Variants in CCDC91 observed in about 807,000 individuals in gnomAD.
CCDC91 encodes coiled-coil domain containing 91.
A neutral mutation model predicts 63.2 loss-of-function variants in CCDC91; 48 were observed. The ratio of observed to expected loss-of-function variants is 0.76; its 90% CI spans 0.60 to 0.97. CCDC91 has a LOEUF of 0.97. Ranked by LOEUF, CCDC91 falls within the 50% of genes least tolerant of loss-of-function variation. The probability of loss-of-function intolerance (pLI) is 0.00; values close to 1 mark genes in which losing one functional copy is unlikely to be tolerated. For synonymous variants in CCDC91, 167 were observed against 165.8 expected (o/e 1.01, Z -0.06); for missense variants, 500 against 494.6 (o/e 1.01, Z -0.10).
chr12:28,353,986 A>G (rs1943356758), intron 6 of CCDC91, among the ~76,000 whole-genome samples: 1 of 152,142 alleles, frequency 6.6e-6, no homozygotes. Flanking sequence ...CTATACAGTA[A>G]ACCCCCATGA....
intron 12 of CCDC91, among the ~76,000 whole-genome samples, chr12:28,517,395 C>A (rs964468897): frequency 6.6e-6 from 1 of 151,898 alleles, no homozygotes. Context: ...TAACTTGCAA[C>A]ACGTTTGAAC....
chr12:28,411,995 G>A (rs1364049639), intron 8 of CCDC91, among the ~76,000 whole-genome samples: 6 of 152,152 alleles, frequency 3.9e-5, no homozygotes, highest in African/African-American at 1.2e-4. Flanking sequence ...TTCAACATGA[G>A]TTTTGGTAGG....
intron 3 of CCDC91, among the ~76,000 whole-genome samples, chr12:28,305,093 ATTAG>A (rs1299602768): frequency 6.6e-6 from 1 of 152,094 alleles, no homozygotes; most frequent in East Asian, 1.9e-4. Context: ...ATATTGTTGG[ATTAG>A]TTGTTTCAAA....
intron 6 of CCDC91, among the ~76,000 whole-genome samples, chr12:28,336,058 C>T (rs1592346456): frequency 6.7e-6 from 1 of 148,212 alleles, no homozygotes. Flanking sequence ...ATTTGAACTA[C>T]TTTTTTTTTT....
At chr12:28,462,791 T>G (rs1439895741) in intron 11 of CCDC91, among the ~76,000 whole-genome samples, 1 of 152,034 alleles carries the variant, frequency 6.6e-6, no homozygotes, top group Non-Finnish European at 1.5e-5. Flanking sequence ...ACAGAGTGCT[T>G]TGAGAGTGAT....
intron 6 of CCDC91, among the ~76,000 whole-genome samples, chr12:28,344,896 T>G (rs555130130): frequency 3.3e-4 from 50 of 152,170 alleles, no homozygotes; most frequent in African/African-American, 1.2e-3. Flanking sequence ...CTACACTGAG[T>G]TGAGGGGAAG....
chr12:28,338,418 G>C (rs80129424), intron 6 of CCDC91, among the ~76,000 whole-genome samples: 17 of 151,796 alleles, frequency 1.1e-4, no homozygotes, highest in Non-Finnish European at 2.1e-4. Context: ...TGCTTCACCC[G>C]TGAATCTTGA....
chr12:28,253,027 G>A (rs1946227872), intron 1 of CCDC91, among the ~76,000 whole-genome samples: 1 of 152,098 alleles, frequency 6.6e-6, no homozygotes, highest in Non-Finnish European at 1.5e-5. Context: ...TGGCAGAGCT[G>A]GAATTTGAAT....
intron 12 of CCDC91, among the ~76,000 whole-genome samples, chr12:28,490,191 T>C (rs971821092): frequency 6.6e-6 from 1 of 151,856 alleles, no homozygotes; most frequent in Non-Finnish European, 1.5e-5. Context: ...TTCTATCCAA[T>C]CTGGAGGAGG....
intron 3 of CCDC91, among the ~76,000 whole-genome samples, chr12:28,267,847 A>ATATATAATTATTATAATTATATATAAT (rs1947368986): frequency 6.7e-5 from 1 of 14,984 alleles, no homozygotes; most frequent in Non-Finnish European, 1.6e-4. Flanking sequence ...ATATATAATT[A>ATATATAATTATTATAATTATATATAAT]TATAGTAATA....
chr12:28,477,095 A>AAG (rs1951140743), intron 11 of CCDC91, among the ~76,000 whole-genome samples: 3 of 151,904 alleles, frequency 2.0e-5, no homozygotes, highest in Non-Finnish European at 2.9e-5. Context: ...TCAATAGAAA[A>AAG]AGGGAATCCT....
intron 8 of CCDC91, among the ~76,000 whole-genome samples, chr12:28,438,335 T>C (rs1352802181): frequency 6.6e-6 from 1 of 152,098 alleles, no homozygotes; most frequent in African/African-American, 2.4e-5. Context: ...TTGGCTCTTC[T>C]ACCATGTGAG....
At chr12:28,530,996 G>T (rs1941686463) in intron 12 of CCDC91, among the ~76,000 whole-genome samples, 1 of 152,058 alleles carries the variant, frequency 6.6e-6, no homozygotes, top group African/African-American at 2.4e-5. Context: ...CTTACCTCCA[G>T]AAACATAAGC....
At chr12:28,479,501 T>C (rs1268355717) in intron 11 of CCDC91, among the ~76,000 whole-genome samples, 2 of 151,990 alleles carry the variant, frequency 1.3e-5, no homozygotes, top group African/African-American at 4.8e-5. Context: ...CATTAGGAGA[T>C]ATACCTAATG....
chr12:28,194,013 AC>A (rs1941513135), intron 1 of CCDC91, among the ~76,000 whole-genome samples: 1 of 152,166 alleles, frequency 6.6e-6, no homozygotes, highest in South Asian at 2.1e-4. Flanking sequence ...CATTTTCTTA[AC>A]AGTATCTTTC....
intron 3 of CCDC91, among the ~76,000 whole-genome samples, chr12:28,274,643 G>C (rs1948062923): frequency 6.6e-6 from 1 of 152,038 alleles, no homozygotes; most frequent in African/African-American, 2.4e-5. Context: ...CTCTCTGTTT[G>C]TCTGTTATTG....
At chr12:28,490,064 T>C (rs1951917071) in intron 12 of CCDC91, among the ~76,000 whole-genome samples, 2 of 151,868 alleles carry the variant, frequency 1.3e-5, no homozygotes, top group African/African-American at 2.4e-5. Flanking sequence ...ATTCTTGATA[T>C]AAATCAGTTG....
chr12:28,483,963 G>T (rs1490485539), intron 11 of CCDC91, 89 bp from the exon 12 acceptor site: 4 of 663,530 alleles, frequency 6.0e-6, no homozygotes, highest in East Asian at 2.8e-5. Flanking sequence ...GCTGAAACCC[G>T]CTGAAGAGGA....
At chr12:28,355,677 G>A (rs1361935567) in intron 6 of CCDC91, among the ~76,000 whole-genome samples, 2 of 152,118 alleles carry the variant, frequency 1.3e-5, no homozygotes, top group Non-Finnish European at 2.9e-5. Context: ...TTACTTCTGT[G>A]CTTGTATGAG....
Sources: gnomAD v4.1 joint callset for allele counts (sites outside exome capture counted in the v4.1 genomes callset) on GRCh38, gnomAD v4.1.1 for gene constraint, MANE v1.5 for transcripts, NCBI Gene and HGNC (gene_info 2026-07-23, HGNC 2026-07-21) for gene names.